Variants in ANAPC10 observed in about 807,000 individuals in gnomAD.
The protein encoded by ANAPC10 is anaphase promoting complex subunit 10.
Under a neutral mutation model 22.0 loss-of-function variants are expected in ANAPC10, and 12 were observed. The observed-to-expected ratio is 0.55, with a 90% confidence interval of 0.35 to 0.88. The LOEUF (loss-of-function observed/expected upper bound fraction) is 0.88. ANAPC10 is among the 40% of genes least tolerant of loss of function. The probability of loss-of-function intolerance (pLI) is 0.01; values close to 1 mark genes in which losing one functional copy is unlikely to be tolerated. For synonymous variants in ANAPC10, 65 were observed against 69.5 expected, an observed-to-expected ratio of 0.94 and a Z score of 0.32; for missense variants, 188 against 220.9, an observed-to-expected ratio of 0.85 and a Z score of 0.94.
chr4:145,032,651 T>C (rs1737801827), intron 4 of ANAPC10, among the ~76,000 whole-genome samples: 1 of 152,184 alleles, frequency 6.6e-6, no homozygotes, highest in African/African-American at 2.4e-5. Flanking sequence ...GAATGGAGGT[T>C]ACACATGGGC....
rs964315478 is a variant in ANAPC10 at position 144,994,969 on chromosome 4, T to G, written c.*404A>C. The G allele has an allele frequency of 6.4e-6, 1 of 155,244 alleles. No homozygotes were observed. Among genetic ancestry groups the G allele is most frequent in the Non-Finnish European group, 1.4e-5 (1 of 70,132 alleles). The allele number at this position is 155,244 out of a possible 1,614,324, so 9.6% of individuals were successfully genotyped here. On this transcript the variant is annotated 3_prime_UTR_variant, in exon 5 of 5. Transcript: ENST00000507656. ...TTGACCTATTAAAGATGATATATAT[T>G]GATAAAACACAGTCTTGTTCTCAAA... is the stretch of plus-strand genomic sequence containing the variant.
At chr4:145,065,481 G>A (rs1377019474) in intron 3 of ANAPC10, among the ~76,000 whole-genome samples, 1 of 151,936 alleles carries the variant, frequency 6.6e-6, no homozygotes, top group Non-Finnish European at 1.5e-5. Flanking sequence ...CACAACCTTT[G>A]ACCTACTAAT....
At chr4:145,026,866 C>CAAG (rs993760218) in intron 4 of ANAPC10, among the ~76,000 whole-genome samples, 2 of 130,392 alleles carry the variant, frequency 1.5e-5, no homozygotes, top group Non-Finnish European at 3.2e-5. Context: ...GGTCAAAGAA[C>CAAG]AAGAAGAAGT....
intron 4 of ANAPC10, among the ~76,000 whole-genome samples, chr4:145,045,345 A>T (rs1740145692): frequency 6.6e-6 from 1 of 152,076 alleles, no homozygotes; most frequent in Non-Finnish European, 1.5e-5. Flanking sequence ...AGCCAAATAT[A>T]TCTCCAAGAT....
chr4:144,996,739 G>T (rs1045451493), intron 4 of ANAPC10, among the ~76,000 whole-genome samples: 3 of 152,206 alleles, frequency 2.0e-5, no homozygotes, highest in Non-Finnish European at 4.4e-5. Context: ...GAATGACTTT[G>T]ACGAGTTGAG....
chr4:145,026,159 A>G (rs1736627099), intron 4 of ANAPC10, among the ~76,000 whole-genome samples: 2 of 152,308 alleles, frequency 1.3e-5, no homozygotes, highest in Middle Eastern at 3.4e-3. Flanking sequence ...GCCCCAGGCC[A>G]GAGAATGCAT....
intron 4 of ANAPC10, among the ~76,000 whole-genome samples, chr4:145,030,811 G>A (rs1008029326): frequency 2.0e-5 from 3 of 152,162 alleles, no homozygotes; most frequent in Non-Finnish European, 4.4e-5. Flanking sequence ...ATCCCTGGAG[G>A]GGTTGCAAAG....
chr4:145,029,499 A>G (rs1737232329), intron 4 of ANAPC10, among the ~76,000 whole-genome samples: 1 of 152,192 alleles, frequency 6.6e-6, no homozygotes, highest in South Asian at 2.1e-4. Context: ...ATAAACAGAA[A>G]TCTAGAGAAC....
chr4:145,080,907 CAA>C (rs58188670), intron 3 of ANAPC10, among the ~76,000 whole-genome samples: 5 of 38,838 alleles, frequency 1.3e-4, no homozygotes, highest in Admixed American at 2.7e-4. Flanking sequence ...AACTCCATCT[CAA>C]AAAAAAAAAA....
At position 145,084,701 on chromosome 4, in the gene ANAPC10, C is replaced by G. The variant is rs574366320; in HGVS notation, c.116-2951G>C. 2.0e-5 allele frequency among the ~76,000 whole-genome samples: 3 copies of G among 152,276 alleles called. No individual in the cohort carries two copies. The South Asian group carries it at 6.2e-4, about 32-fold the overall frequency. On this transcript the variant is annotated intron_variant, in intron 2 of 4. Transcript: ENST00000507656. ...TTGGGCTATTACTTCTTCCGTAACT[C>G]TTAAATCTGCACTGTCCAATACGGT...
Position 144,995,578 on chromosome 4 carries a change from C to A in ANAPC10, c.353G>T (p.Gly118Val). 6.2e-7 allele frequency: 1 copy of A among 1,611,160 alleles called. No individual in the cohort carries two copies. Among genetic ancestry groups the A allele is most frequent in the Non-Finnish European group, 8.5e-7 (1 of 1,179,112 alleles). The change falls in exon 5 of 5, where the codon GGC becomes GTC. Residue 118 changes from glycine to valine, a missense_variant. Physicochemically the swap from Gly to Val is moderately radical, Grantham distance 109 (BLOSUM62 -3). Coordinates refer to ENST00000507656, the MANE Select transcript of ANAPC10 (RefSeq NM_001256706.2). ...GTCAGTTAAGGGAACATGAATCCAG[C>A]CACTTGGTTCCACCAACTCAAGTTG... ...IRQLELVEPS[G>V]WIHVPLTDNH...
intron 1 of ANAPC10, chr4:145,097,879 G>T (rs991726744): frequency 1.7e-5 from 5 of 302,480 alleles, no homozygotes; most frequent in Non-Finnish European, 2.6e-5. Flanking sequence ...TCCCGGCCCT[G>T]AACTGACCAC....
chr4:145,069,706 A>T lies in ANAPC10; in HGVS notation c.207-5014T>A, dbSNP rs146269199. Among the ~76,000 whole-genome samples the T allele has an allele frequency of 1.6e-3, 251 of 152,302 alleles. 1 individual carries two copies. The highest frequency in any genetic ancestry group is 5.7e-3 in the African/African-American group (237 of 41,576). ...CTTTCAGAGGATCAGCAAGGTCAGA[A>T]CTATTTTCTTAATATTACTAAGATG... is the stretch of plus-strand genomic sequence containing the variant. On this transcript the variant is annotated intron_variant, in intron 3 of 4. Transcript: ENST00000507656.
chr4:145,075,321 T>A (rs941117816), intron 3 of ANAPC10, among the ~76,000 whole-genome samples: 1 of 152,160 alleles, frequency 6.6e-6, no homozygotes, highest in African/African-American at 2.4e-5. Context: ...TGTAGAACTA[T>A]AACTTTATAT....
At chr4:145,049,550 T>G (rs1302617466) in intron 4 of ANAPC10, among the ~76,000 whole-genome samples, 1 of 152,218 alleles carries the variant, frequency 6.6e-6, no homozygotes, top group Non-Finnish European at 1.5e-5. Flanking sequence ...ATAATGAGAT[T>G]GCTGCAATTT....
intron 4 of ANAPC10, among the ~76,000 whole-genome samples, chr4:145,017,811 C>T (rs1245702909): frequency 2.0e-5 from 3 of 151,980 alleles, no homozygotes; most frequent in Non-Finnish European, 4.4e-5. Flanking sequence ...AGTTCATGTC[C>T]TTTGTAGGGA....
chr4:145,017,195 T>C (rs1735302432), intron 4 of ANAPC10, among the ~76,000 whole-genome samples: 1 of 152,076 alleles, frequency 6.6e-6, no homozygotes, highest in African/African-American at 2.4e-5. Flanking sequence ...ACCTACAGAA[T>C]TGGAGAAAAT....
At chr4:145,089,329 T>C (rs915432549) in intron 2 of ANAPC10, among the ~76,000 whole-genome samples, 22 of 152,058 alleles carry the variant, frequency 1.4e-4, no homozygotes, top group Non-Finnish European at 7.4e-5. Context: ...AGGGAACAAA[T>C]AGCATATAAG....
intron 4 of ANAPC10, among the ~76,000 whole-genome samples, chr4:145,054,352 C>G (rs1347653481): frequency 6.7e-6 from 1 of 150,296 alleles, no homozygotes; most frequent in East Asian, 2.0e-4. Flanking sequence ...GAGATCGAGA[C>G]CATCCTGGCC....
Sources: allele counts gnomAD v4.1 joint callset (sites outside exome capture counted in the v4.1 genomes callset), GRCh38; gene constraint gnomAD v4.1.1; transcripts MANE v1.5; gene names NCBI Gene and HGNC (gene_info 2026-07-23, HGNC 2026-07-21).